Variants in BTC observed in about 807,000 individuals in gnomAD.
The protein encoded by BTC is betacellulin, also known as probetacellulin.
A neutral mutation model predicts 18.1 loss-of-function variants in BTC; 13 were observed. That is an observed-to-expected ratio of 0.72 (90% confidence interval 0.47 to 1.14). The LOEUF (loss-of-function observed/expected upper bound fraction) is 1.14. Among genes scored for constraint, BTC ranks in the 50% most tolerant of loss-of-function variants. The probability of loss-of-function intolerance (pLI) is 0.00; values close to 1 mark genes in which losing one functional copy is unlikely to be tolerated. For synonymous variants in BTC, 83 were observed against 79.4 expected, an observed-to-expected ratio of 1.05 and a Z score of -0.24; for missense variants, 247 against 224.2, an observed-to-expected ratio of 1.10 and a Z score of -0.65.
At chr4:74,761,352 A>C (rs1156553186) in intron 2 of BTC, among the ~76,000 whole-genome samples, 1 of 152,126 alleles carries the variant, frequency 6.6e-6, no homozygotes. Flanking sequence ...AATTTTGCAA[A>C]TACAGCAGGG....
intron 2 of BTC, among the ~76,000 whole-genome samples, chr4:74,764,708 T>G (rs1297436662): frequency 3.9e-5 from 6 of 152,198 alleles, no homozygotes; most frequent in Admixed American, 1.3e-4. Flanking sequence ...GCCATTATTT[T>G]AAGAGAAGTA....
chr4:74,761,667 C>T (rs1724761004), intron 2 of BTC, among the ~76,000 whole-genome samples: 1 of 152,186 alleles, frequency 6.6e-6, no homozygotes. Context: ...TTCTCTCTTA[C>T]ACTACATCCA....
chr4:74,776,172 ATT>A (rs35241628), intron 1 of BTC, among the ~76,000 whole-genome samples: 3 of 148,370 alleles, frequency 2.0e-5, no homozygotes, highest in Non-Finnish European at 4.5e-5. Context: ...GTTTTGTGGC[ATT>A]TTTTTTTTAC....
chr4:74,758,195 C>T (rs1577952302), intron 2 of BTC, among the ~76,000 whole-genome samples: 1 of 152,066 alleles, frequency 6.6e-6, no homozygotes, highest in Non-Finnish European at 1.5e-5. Context: ...TGGAAGGGTC[C>T]TGAAGGGGAA....
At chr4:74,773,024 G>A (rs112374284) in intron 1 of BTC, among the ~76,000 whole-genome samples, 37 of 152,258 alleles carry the variant, frequency 2.4e-4, no homozygotes, top group African/African-American at 5.5e-4. Flanking sequence ...GTACTGGGGC[G>A]GAGGTATCCT....
chr4:74,753,753 G>A (rs557725179), intron 3 of BTC, among the ~76,000 whole-genome samples: 1 of 152,184 alleles, frequency 6.6e-6, no homozygotes, highest in South Asian at 2.1e-4. Context: ...GGGAGGATGA[G>A]GCAGGAGAGG....
chr4:74,769,055 C>T (rs1560716999), intron 2 of BTC, among the ~76,000 whole-genome samples: 1 of 152,130 alleles, frequency 6.6e-6, no homozygotes, highest in South Asian at 2.1e-4. Flanking sequence ...GAACTGATGA[C>T]TCACATCAGG....
chr4:74,757,471 G>A (rs1724630884), intron 2 of BTC, among the ~76,000 whole-genome samples: 1 of 152,138 alleles, frequency 6.6e-6, no homozygotes, highest in African/African-American at 2.4e-5. Context: ...CTCATCAGAA[G>A]GACTGAAATT....
intron 1 of BTC, among the ~76,000 whole-genome samples, chr4:74,787,998 G>A (rs1002524181): frequency 6.6e-6 from 1 of 152,136 alleles, no homozygotes; most frequent in African/African-American, 2.4e-5. Flanking sequence ...TAAGGTAAAA[G>A]GAAGTCTAGA....
intron 2 of BTC, among the ~76,000 whole-genome samples, chr4:74,760,805 G>A (rs1724735075): frequency 6.6e-6 from 1 of 151,242 alleles, no homozygotes; most frequent in African/African-American, 2.4e-5. Context: ...CACAATCTCG[G>A]CTCACTGCAA....
rs530579746 is a variant in BTC, at chr4:74,786,488, G to A, written c.64+7774C>T. On this transcript the variant is annotated intron_variant, in intron 1 of 5. Coordinates refer to ENST00000395743, the MANE Select transcript of BTC (RefSeq NM_001729.4). ...TCAGGCTGCAGTCAGCCTCCAAAGC[G>A]AAGCTATCTCCATTTCTATAGGAGC... Among the ~76,000 whole-genome samples the A allele has an allele frequency of 5.3e-5, 8 of 152,302 alleles. No individual in the cohort carries two copies. In the South Asian group the frequency reaches 1.0e-3, roughly 20 times the overall value.
At chr4:74,784,232 GAA>G (rs58751452) in intron 1 of BTC, among the ~76,000 whole-genome samples, 3 of 79,630 alleles carry the variant, frequency 3.8e-5, no homozygotes, top group Non-Finnish European at 2.6e-5. Flanking sequence ...ATTCTCTCTC[GAA>G]AAAAAAAAAA....
intron 3 of BTC, among the ~76,000 whole-genome samples, chr4:74,753,755 C>G (rs782092442): frequency 3.3e-5 from 5 of 151,966 alleles, no homozygotes. Context: ...GAGGATGAGG[C>G]AGGAGAGGCA....
chr4:74,758,090 C>T (rs1724651276), intron 2 of BTC, among the ~76,000 whole-genome samples: 1 of 152,028 alleles, frequency 6.6e-6, no homozygotes, highest in African/African-American at 2.4e-5. Context: ...AGGAGGTGAA[C>T]AAGCAATTGA....
intron 2 of BTC, among the ~76,000 whole-genome samples, chr4:74,760,677 T>C (rs1263182695): frequency 6.6e-6 from 1 of 152,028 alleles, no homozygotes; most frequent in Non-Finnish European, 1.5e-5. Flanking sequence ...TTTTCTGAGC[T>C]ACTAGAATTT....
At chr4:74,775,109 T>C (rs1014907896) in intron 1 of BTC, among the ~76,000 whole-genome samples, 3 of 152,086 alleles carry the variant, frequency 2.0e-5, no homozygotes, top group African/African-American at 7.2e-5. Flanking sequence ...GGAATTCAGT[T>C]TGGGTCACTG....
intron 1 of BTC, among the ~76,000 whole-genome samples, chr4:74,790,341 C>T (rs1028331702): frequency 3.3e-5 from 5 of 152,132 alleles, no homozygotes; most frequent in South Asian, 2.1e-4. Context: ...ATTTAATTCA[C>T]GTAATTGCAT....
chr4:74,790,303 C>T (rs543959306), intron 1 of BTC, among the ~76,000 whole-genome samples: 1 of 152,184 alleles, frequency 6.6e-6, no homozygotes, highest in Non-Finnish European at 1.5e-5. Flanking sequence ...GTTTGGGGCA[C>T]ATTTTGAGTG....
chr4:74,782,539 T>C lies in BTC; in HGVS notation c.64+11723A>G, dbSNP rs184788028. Among the ~76,000 whole-genome samples, 110 of 152,320 alleles carry C rather than the reference T, an allele frequency of 7.2e-4. 1 individual carries two copies. The East Asian group carries it at 0.016, about 22-fold the overall frequency. Reference sequence around the variant, plus strand: ...TAGGCTGATTCCGTATATTTGCTATTGTGAATACCGCGCACTGAACATATG... The same window carrying C: ...TAGGCTGATTCCGTATATTTGCTATCGTGAATACCGCGCACTGAACATATG... On this transcript the variant is annotated intron_variant, in intron 1 of 5. Coordinates refer to ENST00000395743, the MANE Select transcript of BTC (RefSeq NM_001729.4).
Sources: allele counts gnomAD v4.1 joint callset (sites outside exome capture counted in the v4.1 genomes callset), GRCh38; gene constraint gnomAD v4.1.1; transcripts MANE v1.5; gene names NCBI Gene and HGNC (gene_info 2026-07-23, HGNC 2026-07-21).